Variants in USP33 observed in about 807,000 individuals in gnomAD.
USP33 encodes ubiquitin carboxyl-terminal hydrolase 33.
In USP33, 46 loss-of-function variants were observed where a neutral mutation model predicts 124.2. The ratio of observed to expected loss-of-function variants is 0.37; its 90% CI spans 0.29 to 0.47. USP33 has a LOEUF of 0.47. Ranked by LOEUF, USP33 falls within the 20% of genes least tolerant of loss-of-function variation. The probability of loss-of-function intolerance (pLI) is 0.99; values close to 1 mark genes in which losing one functional copy is unlikely to be tolerated. For missense variants in USP33, 851 were observed against 1,070.6 expected (o/e 0.79, Z 2.86); for synonymous variants, 350 against 352.3 (o/e 0.99, Z 0.07).
chr1:77,704,572 T>G (rs1674405230), intron 21 of USP33, among the ~76,000 whole-genome samples: 1 of 152,252 alleles, frequency 6.6e-6, no homozygotes. Flanking sequence ...AAATGGTTAC[T>G]CTAAATGTAG....
intron 21 of USP33, among the ~76,000 whole-genome samples, chr1:77,710,560 T>A (rs944311415): frequency 6.6e-6 from 1 of 152,176 alleles, no homozygotes; most frequent in Non-Finnish European, 1.5e-5. Flanking sequence ...AATAAATAAA[T>A]CTATACCTGC....
At chr1:77,700,989 G>A (rs918382585) in intron 22 of USP33, among the ~76,000 whole-genome samples, 4 of 152,138 alleles carry the variant, frequency 2.6e-5, no homozygotes, top group African/African-American at 4.8e-5. Context: ...GTGAGCCACC[G>A]TGCCTGGCAC....
Position 77,725,900 on chromosome 1 carries a change from C to T in USP33, c.1136-138G>A, listed in dbSNP as rs527752727. On this transcript the variant is annotated intron_variant, in intron 10 of 23. Coordinates refer to ENST00000370794, the MANE Select transcript of USP33 (RefSeq NM_201624.3). ...GTCAAGTTAAATACTTAACAAAGTG[C>T]TTACTAAGCAAAATAACAGTAATCT... is the stretch of plus-strand genomic sequence containing the variant. The T allele has an allele frequency of 1.1e-4, 95 of 851,926 alleles. No homozygotes were observed. In the African/African-American group the frequency reaches 1.5e-3, roughly 14 times the overall value. 52.8% of individuals were successfully genotyped at this position (851,926 alleles called of 1,614,324 possible).
intron 15 of USP33, among the ~76,000 whole-genome samples, chr1:77,720,801 C>T (rs1374837747): frequency 1.3e-5 from 2 of 152,100 alleles, no homozygotes; most frequent in East Asian, 1.9e-4. Flanking sequence ...CAGATAACAT[C>T]GAAGTCGGTA....
Position 77,741,610 on chromosome 1 carries a change from T to C in USP33, c.81+7A>G. On this transcript the variant is annotated splice_region_variant and intron_variant, in intron 2 of 23. Transcript: ENST00000370794. ...GTTTTTCAAGGAAGAAAAAACCTGTTTCTTACAAGGGATTTTTGTATCAAA... is the reference window on the plus strand; with the variant it reads ...GTTTTTCAAGGAAGAAAAAACCTGTCTCTTACAAGGGATTTTTGTATCAAA... The C allele has an allele frequency of 6.3e-7, 1 of 1,579,028 alleles. No homozygotes were observed. The highest frequency in any genetic ancestry group is 8.6e-7 in the Non-Finnish European group (1 of 1,168,002).
intron 5 of USP33, 95 bp downstream of exon 5, chr1:77,739,170 G>C (rs914747212): frequency 1.2e-5 from 17 of 1,419,962 alleles, no homozygotes; most frequent in Admixed American, 2.1e-5. Context: ...GTACAGGTTA[G>C]GCAGTATTCC....
In USP33 at chr1:77,702,141, C is replaced by CAAAAAAA. The variant is rs58750531; in HGVS notation, c.2407-677_2407-671dup. Among the ~76,000 whole-genome samples, 27 of 15,786 alleles carry CAAAAAAA rather than the reference C, an allele frequency of 1.7e-3. 5 individuals carry two copies. Among genetic ancestry groups the CAAAAAAA allele is most frequent in the Admixed American group, 4.4e-3 (3 of 682 alleles). The allele number at this position is 15,786 out of a possible 152,430, so 10.4% of individuals were successfully genotyped here. ...TGGGTGACAGAACAAGACCCTGTCTCAAAAAAAAAAAAAAAAAAAAAAAAA... is the reference window on the plus strand; with the variant it reads ...TGGGTGACAGAACAAGACCCTGTCTCAAAAAAAAAAAAAAAAAAAAAAAAAAAAAAAA... On this transcript the variant is annotated intron_variant, in intron 21 of 23. Transcript: ENST00000370794.
intron 5 of USP33, among the ~76,000 whole-genome samples, chr1:77,738,264 G>C (rs1285692702): frequency 6.6e-6 from 1 of 152,106 alleles, no homozygotes; most frequent in African/African-American, 2.4e-5. Context: ...ACAGAAATAT[G>C]TGATTTCTAT....
chr1:77,697,307 A>G lies in USP33; in HGVS notation c.*10T>C. On this transcript the variant is annotated 3_prime_UTR_variant, in exon 24 of 24. Transcript: ENST00000370794. ...ATGATTCCTCATTAGAACTCTCTAC[A>G]TCCTAAAAATTACAAAGACCGAGTT... 1 of 1,590,956 alleles carries G rather than the reference A, an allele frequency of 6.3e-7. No individual in the cohort carries two copies. Among genetic ancestry groups the G allele is most frequent in the Non-Finnish European group, 8.5e-7 (1 of 1,171,172 alleles).
At chr1:77,744,748 GGT>G (rs1679549059) in intron 1 of USP33, among the ~76,000 whole-genome samples, 1 of 152,146 alleles carries the variant, frequency 6.6e-6, no homozygotes. Flanking sequence ...ACGAGGCTGA[GGT>G]GAGAGGATCA....
chr1:77,707,757 A>C (rs551751794), intron 21 of USP33, among the ~76,000 whole-genome samples: 78 of 152,314 alleles, frequency 5.1e-4, no homozygotes, highest in African/African-American at 1.8e-3. Flanking sequence ...ATGGGTAGTG[A>C]TTAGCTATAG....
chr1:77,742,981 T>C (rs955602541), intron 1 of USP33, among the ~76,000 whole-genome samples: 138 of 152,150 alleles, frequency 9.1e-4, no homozygotes, highest in African/African-American at 3.2e-3. Flanking sequence ...TCACTCTTGC[T>C]GCCCAGGCTG....
chr1:77,711,338 C>T (rs1675226267), intron 21 of USP33, among the ~76,000 whole-genome samples: 1 of 152,122 alleles, frequency 6.6e-6, no homozygotes, highest in Admixed American at 6.5e-5. Flanking sequence ...ACCAGCATGG[C>T]CAACATGGCA....
intron 22 of USP33, among the ~76,000 whole-genome samples, chr1:77,698,259 A>G (rs1318267032): frequency 3.4e-5 from 5 of 145,604 alleles, no homozygotes; most frequent in African/African-American, 1.3e-4. Flanking sequence ...TTTTTAGTAG[A>G]GATGGGAGTT....
At position 77,741,741 on chromosome 1, in the gene USP33, G is replaced by A. The variant is rs1679140901; in HGVS notation, c.-44C>T. On this transcript the variant is annotated 5_prime_UTR_variant, in exon 2 of 24. Transcript: ENST00000370794. ...CTGTTTCCCAAGACTTTCAAAATGAGGTAACACCTATAAGAAAAGTAACAC... is the reference window on the plus strand; with the variant it reads ...CTGTTTCCCAAGACTTTCAAAATGAAGTAACACCTATAAGAAAAGTAACAC... 11 of 1,579,786 alleles carry A rather than the reference G, an allele frequency of 7.0e-6. No homozygotes were observed. Among genetic ancestry groups the A allele is most frequent in the East Asian group, 2.3e-5 (1 of 43,436 alleles).
rs745943586 is a variant in USP33, at chr1:77,715,726, C to A, written c.2045+16G>T. The A allele has an allele frequency of 1.9e-6, 3 of 1,611,450 alleles. No homozygotes were observed. The Admixed American group carries it at 5.0e-5, about 27-fold the overall frequency. The stretch of plus-strand genomic sequence containing the variant: ...TGTGAGAGATGTCCTTTCGCATCTA[C>A]ACTTATTTCCATTACCTATAGAAAA... On this transcript the variant is annotated intron_variant, in intron 18 of 23. Coordinates refer to ENST00000370794, the MANE Select transcript of USP33 (RefSeq NM_201624.3).
intron 18 of USP33, 41 bp from the exon 19 acceptor site, chr1:77,714,824 A>T: frequency 6.3e-7 from 1 of 1,587,182 alleles, no homozygotes; most frequent in Non-Finnish European, 8.6e-7. Flanking sequence ...TATGCATTTT[A>T]CTACATTACT....
intron 1 of USP33, among the ~76,000 whole-genome samples, chr1:77,743,834 A>T (rs1455753641): frequency 6.6e-6 from 1 of 152,182 alleles, no homozygotes; most frequent in African/African-American, 2.4e-5. Context: ...TTCTGTCTTT[A>T]AAAAGTTCAA....
chr1:77,714,471 C>A, intron 19 of USP33, 143 bp downstream of exon 19: 1 of 785,432 alleles, frequency 1.3e-6, no homozygotes. Flanking sequence ...ATTTCTGAAA[C>A]CATATGGAAT....
Sources: gnomAD v4.1 joint callset for allele counts (sites outside exome capture counted in the v4.1 genomes callset) on GRCh38, gnomAD v4.1.1 for gene constraint, MANE v1.5 for transcripts, NCBI Gene and HGNC (gene_info 2026-07-23, HGNC 2026-07-21) for gene names.